The following THADA variants were observed in gnomAD, a reference collection of about 807,000 sequenced individuals.
THADA encodes the protein tRNA (32-2'-O)-methyltransferase regulator THADA.
In THADA, 213 loss-of-function variants were observed where a neutral mutation model predicts 219.8. The ratio of observed to expected loss-of-function variants is 0.97; its 90% CI spans 0.87 to 1.09. THADA has a LOEUF of 1.09. THADA is among the 50% of genes least tolerant of loss of function. The probability of loss-of-function intolerance (pLI) is 0.00; values close to 1 mark genes in which losing one functional copy is unlikely to be tolerated. For synonymous variants in THADA, 1,018 were observed against 828.9 expected, an observed-to-expected ratio of 1.23 and a Z score of -3.92; for missense variants, 2,956 against 2,311.3, an observed-to-expected ratio of 1.28 and a Z score of -5.72.
chr2:43,413,471 T>C (rs535671845), intron 28 of THADA, among the ~76,000 whole-genome samples: 2 of 152,338 alleles, frequency 1.3e-5, no homozygotes, highest in South Asian at 2.1e-4. Flanking sequence ...TCAAGAAATA[T>C]ATGCTTGGCT....
chr2:43,548,486 G>A (rs1477097765), intron 20 of THADA, among the ~76,000 whole-genome samples: 1 of 152,198 alleles, frequency 6.6e-6, no homozygotes, highest in Non-Finnish European at 1.5e-5. Flanking sequence ...GCCTACAGAG[G>A]CAGGCAGGCC....
intron 25 of THADA, among the ~76,000 whole-genome samples, chr2:43,493,952 G>A (rs1412664068): frequency 6.6e-6 from 1 of 152,038 alleles, no homozygotes; most frequent in African/African-American, 2.4e-5. Flanking sequence ...TGACTCCCCT[G>A]CTATAAATTT....
intron 26 of THADA, among the ~76,000 whole-genome samples, chr2:43,455,702 G>T (rs1012199993): frequency 2.0e-5 from 3 of 152,244 alleles, no homozygotes; most frequent in African/African-American, 2.4e-5. Context: ...TTATGCAAAG[G>T]ATAGGTTAGG....
intron 29 of THADA, among the ~76,000 whole-genome samples, chr2:43,375,911 G>T (rs569896547): frequency 6.6e-6 from 1 of 152,302 alleles, no homozygotes; most frequent in South Asian, 2.1e-4. Context: ...AAAGCATTTT[G>T]CAAGAGAATT....
intron 4 of THADA, among the ~76,000 whole-genome samples, chr2:43,589,956 GA>G (rs1397896549): frequency 6.6e-6 from 1 of 152,002 alleles, no homozygotes; most frequent in African/African-American, 2.4e-5. Flanking sequence ...ATTCTTTAGT[GA>G]AAAAACAAGC....
intron 31 of THADA, among the ~76,000 whole-genome samples, chr2:43,297,249 G>GGAGC (rs1459586816): frequency 9.0e-6 from 1 of 111,508 alleles, no homozygotes; most frequent in Non-Finnish European, 1.8e-5. Context: ...TGGGAGGTGA[G>GGAGC]GAGCGTCTCT....
At chr2:43,420,278 G>GT (rs1461049863) in intron 28 of THADA, among the ~76,000 whole-genome samples, 1 of 152,208 alleles carries the variant, frequency 6.6e-6, no homozygotes, top group Non-Finnish European at 1.5e-5. Context: ...AATATACACG[G>GT]TATCAGGTTC....
chr2:43,551,207 T>C (rs1239689289), intron 19 of THADA, among the ~76,000 whole-genome samples: 1 of 152,212 alleles, frequency 6.6e-6, no homozygotes, highest in Non-Finnish European at 1.5e-5. Flanking sequence ...CACTCTAAAA[T>C]ACATTTACAA....
intron 36 of THADA, 129 bp from the exon 37 acceptor site, chr2:43,233,011 G>C: frequency 1.0e-6 from 1 of 969,450 alleles, no homozygotes; most frequent in Non-Finnish European, 1.5e-6. Context: ...AGGGAAGCTG[G>C]TAGGGTGGGC....
chr2:43,391,065 G>C (rs1278059226), intron 29 of THADA, among the ~76,000 whole-genome samples: 2 of 151,970 alleles, frequency 1.3e-5, no homozygotes, highest in Non-Finnish European at 2.9e-5. Context: ...AACCCCTCTT[G>C]TTTTCAGTTT....
At chr2:43,357,989 G>C (rs917544477) in intron 29 of THADA, among the ~76,000 whole-genome samples, 1 of 151,988 alleles carries the variant, frequency 6.6e-6, no homozygotes, top group African/African-American at 2.4e-5. Flanking sequence ...TCCTCCAATG[G>C]TGATACCTTA....
At chr2:43,432,474 T>TA (rs1436877482) in intron 26 of THADA, among the ~76,000 whole-genome samples, 3 of 151,806 alleles carry the variant, frequency 2.0e-5, no homozygotes, top group African/African-American at 7.2e-5. Context: ...TTTTTTTTTT[T>TA]ACTATTATGA....
At chr2:43,468,295 C>T (rs999534616) in intron 26 of THADA, among the ~76,000 whole-genome samples, 1 of 152,184 alleles carries the variant, frequency 6.6e-6, no homozygotes, top group Admixed American at 6.5e-5. Context: ...TAGTTTATGA[C>T]TTCTTGTGGT....
intron 8 of THADA, 99 bp downstream of exon 8, chr2:43,581,642 G>T: frequency 1.9e-6 from 2 of 1,050,304 alleles, no homozygotes; most frequent in Non-Finnish European, 2.8e-6. Flanking sequence ...CCACATCTCA[G>T]TTAAGTATCA....
chr2:43,565,399 C>T (rs2011979), intron 15 of THADA: 49,015 of 149,438 alleles, frequency 0.33, 8,385 homozygotes, highest in African/African-American at 0.42. Context: ...GCCACTGTAC[C>T]CCAGCCTGGG....
chr2:43,340,698 A>C (rs1018378583), intron 30 of THADA, among the ~76,000 whole-genome samples: 7 of 152,222 alleles, frequency 4.6e-5, no homozygotes, highest in Non-Finnish European at 1.0e-4. Context: ...GACTCAAAGG[A>C]ACATTTATTT....
intron 29 of THADA, among the ~76,000 whole-genome samples, chr2:43,396,223 C>G (rs971590306): frequency 5.9e-5 from 9 of 152,180 alleles, no homozygotes; most frequent in African/African-American, 2.2e-4. Flanking sequence ...CCACTGGGAG[C>G]CTTTATGTTG....
At chr2:43,468,326 C>G (rs550230537) in intron 26 of THADA, among the ~76,000 whole-genome samples, 1 of 152,224 alleles carries the variant, frequency 6.6e-6, no homozygotes, top group Admixed American at 6.5e-5. Flanking sequence ...GGTTTTTGCA[C>G]AAATATTAAT....
chr2:43,497,556 A>G (rs1191631728), intron 25 of THADA, among the ~76,000 whole-genome samples: 1 of 152,148 alleles, frequency 6.6e-6, no homozygotes, highest in Non-Finnish European at 1.5e-5. Context: ...GGGAGGGAGA[A>G]CATCAGGACA....
Sources: allele counts gnomAD v4.1 joint callset (sites outside exome capture counted in the v4.1 genomes callset), GRCh38; gene constraint gnomAD v4.1.1; transcripts MANE v1.5; gene names NCBI Gene and HGNC (gene_info 2026-07-23, HGNC 2026-07-21).